SWAP70: variants seen among roughly 807,000 people sequenced by gnomAD.
SWAP70 encodes switching B cell complex subunit SWAP70.
In SWAP70, 34 loss-of-function variants were observed where a neutral mutation model predicts 80.2. The observed-to-expected ratio is 0.42, with a 90% CI of 0.32 to 0.56. SWAP70 has a LOEUF of 0.56. SWAP70 is among the 20% of genes least tolerant of loss of function. The pLI is 0.09. For missense variants in SWAP70, 578 were observed against 690.7 expected, an observed-to-expected ratio of 0.84 and a Z score of 1.83; for synonymous variants, 239 against 238.5, an observed-to-expected ratio of 1.00 and a Z score of -0.02.
chr11:9,676,651 T>G (rs1045138530), intron 1 of SWAP70, among the ~76,000 whole-genome samples: 16 of 149,680 alleles, frequency 1.1e-4, no homozygotes, highest in African/African-American at 2.9e-4. Context: ...AGATGCAGTT[T>G]TTTTTTTTTT....
chr11:9,683,258 T>G (rs1850590217), intron 1 of SWAP70, among the ~76,000 whole-genome samples: 1 of 147,746 alleles, frequency 6.8e-6, no homozygotes, highest in South Asian at 2.1e-4. Flanking sequence ...ATTAGCTGGG[T>G]GTGATGGCAG....
At chr11:9,671,741 TAGAA>T (rs1850406019) in intron 1 of SWAP70, among the ~76,000 whole-genome samples, 2 of 76,276 alleles carry the variant, frequency 2.6e-5, no homozygotes, top group African/African-American at 9.9e-5. Context: ...TATGTATACA[TAGAA>T]ATATAAATAT....
At chr11:9,701,176 CT>C (rs879529806) in intron 2 of SWAP70, among the ~76,000 whole-genome samples, 207 of 144,186 alleles carry the variant, frequency 1.4e-3, no homozygotes, top group Admixed American at 1.6e-3. Context: ...CAAATGTTAA[CT>C]TTTTTTTTTT....
intron 7 of SWAP70, among the ~76,000 whole-genome samples, chr11:9,733,875 A>G (rs1251836981): frequency 6.6e-6 from 1 of 152,208 alleles, no homozygotes; most frequent in African/African-American, 2.4e-5. Flanking sequence ...GTAGAGGAGA[A>G]TATGAAATAT....
At chr11:9,719,513 G>A (rs1024336733) in intron 3 of SWAP70, among the ~76,000 whole-genome samples, 1 of 152,004 alleles carries the variant, frequency 6.6e-6, no homozygotes, top group African/African-American at 2.4e-5. Flanking sequence ...GTGCCACTGG[G>A]CAACAAAGCG....
intron 1 of SWAP70, among the ~76,000 whole-genome samples, chr11:9,691,661 C>T (rs1158625893): frequency 6.6e-6 from 1 of 152,158 alleles, no homozygotes; most frequent in Non-Finnish European, 1.5e-5. Flanking sequence ...GAGTGCTGGA[C>T]CAGAGATTAC....
intron 7 of SWAP70, among the ~76,000 whole-genome samples, chr11:9,735,640 G>A (rs1207022521): frequency 1.3e-5 from 2 of 152,156 alleles, no homozygotes; most frequent in Admixed American, 1.3e-4. Context: ...GTGTTCTAGG[G>A]TTTGGCAATG....
chr11:9,741,102 C>T (rs947965382), intron 9 of SWAP70: 3 of 152,212 alleles, frequency 2.0e-5, no homozygotes, highest in Non-Finnish European at 2.9e-5. Context: ...TCTTTGATCT[C>T]TGACCCCCTG....
At chr11:9,674,474 A>G (rs1850461759) in intron 1 of SWAP70, among the ~76,000 whole-genome samples, 1 of 151,618 alleles carries the variant, frequency 6.6e-6, no homozygotes, top group Admixed American at 6.6e-5. Context: ...CTGAGGCAGG[A>G]GGATTGCTTG....
At position 9,724,801 on chromosome 11, in the gene SWAP70, G is replaced by A; in HGVS notation, c.558G>A (p.Gln186=). The change falls in exon 4 of 12, where the codon CAG becomes CAA. Residue 186 remains glutamine, a synonymous_variant. Coordinates refer to ENST00000318950, the MANE Select transcript of SWAP70 (RefSeq NM_015055.4). ...WELIELIGNG[Q]FSKGMDRQTV... is the part of the protein sequence containing the mutation. ...TTATTGAGCTTATTGGAAATGGACA[G>A]TTTAGCAAAGGCATGGACCGGCAGA... 6.2e-7 allele frequency: 1 copy of A among 1,614,062 alleles called. No homozygotes were observed. The highest frequency in any genetic ancestry group is 8.5e-7 in the Non-Finnish European group (1 of 1,179,982).
Position 9,749,120 on chromosome 11 carries a change from A to C in SWAP70, c.1588A>C (p.Lys530Gln). The change falls in exon 11 of 12, where the codon AAG becomes CAG. Residue 530 changes from lysine (K) to glutamine (Q), a missense_variant. Coordinates refer to ENST00000318950, the MANE Select transcript of SWAP70 (RefSeq NM_015055.4). The part of the protein sequence containing the change: ...VKKKLEMATN[K>Q]TKSWKDKVAH... ...AAAGAAGCTGGAGATGGCAACTAAT[A>C]AGACCAAGAGCTGGAAGGACAAAGT... is the stretch of plus-strand genomic sequence containing the variant. 1 of 1,613,180 alleles carries C rather than the reference A, an allele frequency of 6.2e-7. No homozygotes were observed.
At chr11:9,680,176 T>C (rs1334237614) in intron 1 of SWAP70, among the ~76,000 whole-genome samples, 3 of 152,066 alleles carry the variant, frequency 2.0e-5, no homozygotes, top group Admixed American at 6.6e-5. Flanking sequence ...AAGTTGAGGA[T>C]TGTGTGATGT....
intron 1 of SWAP70, among the ~76,000 whole-genome samples, chr11:9,668,242 C>A (rs572568819): frequency 6.6e-6 from 1 of 152,142 alleles, no homozygotes; most frequent in Non-Finnish European, 1.5e-5. Flanking sequence ...TTCCAATTGA[C>A]GGCATAAATG....
In SWAP70 at chr11:9,738,209, C is replaced by G. The variant is rs761260322; in HGVS notation, c.1081-4C>G. ...TTTCTGTGGATGGGTTTTTGATTGG[C>G]TAGAAACTGGAGGAAGCAGCATCTC... On this transcript the variant is annotated splice_region_variant and splice_polypyrimidine_tract_variant and intron_variant, in intron 7 of 11. Coordinates refer to ENST00000318950, the MANE Select transcript of SWAP70 (RefSeq NM_015055.4). 6.2e-7 allele frequency: 1 copy of G among 1,601,134 alleles called. No homozygotes were observed. The highest frequency in any genetic ancestry group is 1.3e-5 in the African/African-American group (1 of 74,114).
chr11:9,732,794 C>T, intron 7 of SWAP70, 84 bp downstream of exon 7: 1 of 1,314,858 alleles, frequency 7.6e-7, no homozygotes, highest in Non-Finnish European at 1.0e-6. Flanking sequence ...TTGGTTCTAC[C>T]AAGATGAATG....
intron 1 of SWAP70, among the ~76,000 whole-genome samples, chr11:9,667,271 A>T (rs1298392247): frequency 1.3e-5 from 2 of 152,022 alleles, no homozygotes; most frequent in Admixed American, 6.6e-5. Flanking sequence ...AGAGAGAGAG[A>T]GACAGGGTCT....
Position 9,747,956 on chromosome 11 carries a change from T to TG in SWAP70, c.1456dup (p.Glu486GlyfsTer22). Reference sequence around the variant, plus strand: ...ACAACCGAGGCGGAGAAGCAGGAGTTGGAGAATCAGCGTGTCCTGAAGGAA... The same window carrying TG: ...ACAACCGAGGCGGAGAAGCAGGAGTTGGGAGAATCAGCGTGTCCTGAAGGAA... On this transcript the variant is annotated frameshift_variant, in exon 10 of 12. Transcript: ENST00000318950. LOFTEE classifies it high-confidence loss of function. 1 of 1,614,066 alleles carries TG rather than the reference T, an allele frequency of 6.2e-7. No homozygotes were observed. The highest frequency in any genetic ancestry group is 8.5e-7 in the Non-Finnish European group (1 of 1,180,002).
At chr11:9,671,734 G>A (rs189997508) in intron 1 of SWAP70, among the ~76,000 whole-genome samples, 15 of 45,182 alleles carry the variant, frequency 3.3e-4, no homozygotes, top group East Asian at 1.3e-3. Flanking sequence ...ATATTTCTAT[G>A]TATACATAGA....
At chr11:9,701,124 AT>A (rs1850825422) in intron 2 of SWAP70, among the ~76,000 whole-genome samples, 1 of 150,990 alleles carries the variant, frequency 6.6e-6, no homozygotes, top group Non-Finnish European at 1.5e-5. Flanking sequence ...ACTTCAAATG[AT>A]TAACCTGTCT....
Sources: gnomAD v4.1 joint callset for allele counts (sites outside exome capture counted in the v4.1 genomes callset) on GRCh38, gnomAD v4.1.1 for gene constraint, MANE v1.5 for transcripts, NCBI Gene and HGNC (gene_info 2026-07-23, HGNC 2026-07-21) for gene names.